MAP2K2: variants seen among roughly 807,000 people sequenced by gnomAD.
MAP2K2 encodes the protein mitogen-activated protein kinase kinase 2.
A neutral mutation model predicts 43.7 loss-of-function variants in MAP2K2; 24 were observed. That is an observed-to-expected ratio of 0.55 (90% CI 0.40 to 0.77). The LOEUF (loss-of-function observed/expected upper bound fraction) is 0.77. Ranked by LOEUF, MAP2K2 falls within the 30% of genes least tolerant of loss-of-function variation. MAP2K2 has a pLI of 0.00. For missense variants in MAP2K2, 470 were observed against 566.8 expected, an observed-to-expected ratio of 0.83 and a Z score of 1.73; for synonymous variants, 244 against 239.7, an observed-to-expected ratio of 1.02 and a Z score of -0.17.
chr19:4,100,273 A>T (rs2040985250), intron 6 of MAP2K2: 1 of 151,840 alleles, frequency 6.6e-6, no homozygotes, highest in Non-Finnish European at 1.5e-5. Context: ...ACAAAAACAA[A>T]AACCAAATTA....
At chr19:4,092,448 G>A (rs1485990487) in intron 10 of MAP2K2, among the ~76,000 whole-genome samples, 2 of 152,042 alleles carry the variant, frequency 1.3e-5, no homozygotes. Context: ...AATTAGCCGG[G>A]TGTGGTGGCA....
rs730880515 is a variant in MAP2K2 at position 4,090,621 on chromosome 19, T to A, written c.1180A>T (p.Thr394Ser). 1.3e-6 allele frequency: 2 copies of A among 1,552,570 alleles called. No homozygotes were observed. ...CKTLRLNQPG[T>S]PTRTAV ...TGTCACACGGCGGTGCGCGTGGGTG[T>A]GCCGGGCTGGTTCAGCCGCAGGGTT... The change falls in exon 11 of 11, where the codon ACA becomes TCA. Residue 394 changes from threonine (T) to serine (S), a missense_variant. Around this residue, in one of 3 missense-constraint regions of MAP2K2, gnomAD observed 212 missense variants for 220.8 expected, o/e 0.96. Transcript: ENST00000262948.
rs566650803 is a variant in MAP2K2 at position 4,101,568 on chromosome 19, T to C, written c.529-288A>G. On this transcript the variant is annotated intron_variant, in intron 4 of 10. Transcript: ENST00000262948. This position sits in a 1 kb window ranked among gnomAD's most constrained non-coding sequence, Gnocchi z 6.3. ...GCACACGGCTTAGCCCCAGGGAAGC[T>C]GAGATGGTGGCCCATGGCCCGGGAG... 2.6e-5 allele frequency among the ~76,000 whole-genome samples: 4 copies of C among 152,258 alleles called. No homozygotes were observed. The South Asian group carries it at 8.3e-4, about 32-fold the overall frequency.
At chr19:4,100,892 G>A (rs1321095783) in intron 6 of MAP2K2, 127 bp downstream of exon 6, 2 of 1,116,030 alleles carry the variant, frequency 1.8e-6, no homozygotes, top group Admixed American at 2.1e-5. Context: ...GAACTGGGAG[G>A]GACAGCTGCG....
chr19:4,114,105 T>C (rs1360923259), intron 2 of MAP2K2, among the ~76,000 whole-genome samples: 1 of 152,138 alleles, frequency 6.6e-6, no homozygotes, highest in Non-Finnish European at 1.5e-5. Context: ...CTGGGCAGCG[T>C]AGCAAGCCTT....
In MAP2K2 at chr19:4,094,467, G is replaced by A. The variant is rs2040885885; in HGVS notation, c.1078C>T (p.Leu360=). ...LIKNPAERAD[L]KMLTNHTFIK... is the part of the protein sequence containing the mutation. ...GCATCACTCACTGTGAGCATCTTCAGGTCCGCCCGCTCCGCTGGGTTCTTG... is the reference window on the plus strand; with the variant it reads ...GCATCACTCACTGTGAGCATCTTCAAGTCCGCCCGCTCCGCTGGGTTCTTG... Residue 360 remains leucine (L), a synonymous_variant, in exon 10 of 11, where the codon CTG becomes TTG. Transcript: ENST00000262948. 12 of 1,566,988 alleles carry A rather than the reference G, an allele frequency of 7.7e-6. No individual in the cohort carries two copies. The highest frequency in any genetic ancestry group is 1.0e-5 in the Non-Finnish European group (12 of 1,155,150).
rs375040410 is a variant in MAP2K2 at position 4,094,864 on chromosome 19, C to A, written c.1047-366G>T. On this transcript the variant is annotated intron_variant, in intron 9 of 10. Transcript: ENST00000262948. Reference sequence around the variant, plus strand: ...CAAGGGCCCGGGGCAACTCCGGCACCAGGAGTGCGGTGCCGTTCCACGGCG... The same window carrying A: ...CAAGGGCCCGGGGCAACTCCGGCACAAGGAGTGCGGTGCCGTTCCACGGCG... 236 of 420,426 alleles carry A rather than the reference C, an allele frequency of 5.6e-4. No individual in the cohort carries two copies. In the East Asian group the frequency reaches 9.2e-3, roughly 16 times the overall value. The allele number at this position is 420,426 out of a possible 1,614,324, so 26.0% of individuals were successfully genotyped here. A position where few individuals can be genotyped will look rare whatever the true frequency, so the allele number is the denominator to read the frequency against.
rs1000914581 is a variant in MAP2K2, at chr19:4,123,840, G to T, written c.36C>A (p.Leu12=). 1 of 1,536,588 alleles carries T rather than the reference G, an allele frequency of 6.5e-7. No homozygotes were observed. Among genetic ancestry groups the T allele is most frequent in the Non-Finnish European group, 8.7e-7 (1 of 1,145,522 alleles). ...CCTCGGCGATGGTAGGGTTGATGGTGAGCGCCGGCAGCACCGGCTTCCTCC... is the reference window on the plus strand; with the variant it reads ...CCTCGGCGATGGTAGGGTTGATGGTTAGCGCCGGCAGCACCGGCTTCCTCC... ...LARRKPVLPA[L]TINPTIAEGP... The change falls in exon 1 of 11, where the codon CTC becomes CTA. Residue 12 remains leucine, a synonymous_variant. Transcript: ENST00000262948.
At chr19:4,110,682 C>T (rs767704473) in intron 2 of MAP2K2, 27 bp from the exon 3 acceptor site, 1 of 1,603,286 alleles carries the variant, frequency 6.2e-7, no homozygotes, top group East Asian at 2.2e-5. Flanking sequence ...GCGAGACTGG[C>T]TTGGGGGGTG....
intron 10 of MAP2K2, among the ~76,000 whole-genome samples, chr19:4,091,082 G>C (rs1216533634): frequency 6.6e-6 from 1 of 152,200 alleles, no homozygotes; most frequent in Non-Finnish European, 1.5e-5. Context: ...GCAGGGTACT[G>C]AGCAGCGTCC....
At chr19:4,104,974 G>A (rs1049474529) in intron 3 of MAP2K2, among the ~76,000 whole-genome samples, 3 of 152,184 alleles carry the variant, frequency 2.0e-5, no homozygotes, top group African/African-American at 4.8e-5. Flanking sequence ...ACAGTGCCAG[G>A]TGTCTCCTGG....
chr19:4,114,226 CCG>C (rs2041192044), intron 2 of MAP2K2, among the ~76,000 whole-genome samples: 1 of 152,198 alleles, frequency 6.6e-6, no homozygotes, highest in Admixed American at 6.5e-5. Context: ...GCTCCCAAGT[CCG>C]AGCAGATCCA....
chr19:4,097,505 G>C (rs1477077703), intron 7 of MAP2K2, among the ~76,000 whole-genome samples, 162 bp from the exon 8 acceptor site: 1 of 152,184 alleles, frequency 6.6e-6, no homozygotes, highest in Non-Finnish European at 1.5e-5. Flanking sequence ...TCCCCTGCCT[G>C]ACTCTGGGTT....
chr19:4,103,328 G>C, intron 3 of MAP2K2: 2 of 925,760 alleles, frequency 2.2e-6, no homozygotes, highest in Non-Finnish European at 2.6e-6. Context: ...AACAAACCTG[G>C]GGACCAAAAC....
In MAP2K2 at chr19:4,110,529, T is replaced by C. The variant is rs1378281145; in HGVS notation, c.430A>G (p.Ser144Gly). Residue 144 changes from serine to glycine, a missense_variant, in exon 3 of 11, where the codon AGC becomes GGC. Around this residue, in one of 3 missense-constraint regions of MAP2K2, gnomAD observed 200 missense variants for 297.9 expected, o/e 0.67. Coordinates refer to ENST00000262948, the MANE Select transcript of MAP2K2 (RefSeq NM_030662.4). ...CTCACCATGTGTTCCATGCAAATGC[T>C]GATCTCCCCGTCACTGTAGAAGGCC... is the stretch of plus-strand genomic sequence containing the variant. ...YGAFYSDGEI[S>G]ICMEHMDGGS... 1.9e-6 allele frequency: 3 copies of C among 1,613,726 alleles called. No homozygotes were observed. Among genetic ancestry groups the C allele is most frequent in the Admixed American group, 3.3e-5 (2 of 59,996 alleles).
At chr19:4,095,589 C>G (rs2040907504) in intron 8 of MAP2K2, 140 bp from the exon 9 acceptor site, 1 of 633,244 alleles carries the variant, frequency 1.6e-6, no homozygotes, top group African/African-American at 1.8e-5. Flanking sequence ...TGGGCTGCAC[C>G]CTGTCAGAGG....
chr19:4,103,590 G>A (rs1266953328), intron 3 of MAP2K2: 1 of 152,258 alleles, frequency 6.6e-6, no homozygotes. Context: ...TGCTGCTCCA[G>A]GACTCCTGCA....
intron 6 of MAP2K2, chr19:4,100,764 T>C (rs1450438963): frequency 1.8e-6 from 1 of 554,352 alleles, no homozygotes; most frequent in South Asian, 2.1e-5. Context: ...GGAGAGCTGA[T>C]GAAGGGGAGG....
chr19:4,115,072 G>A lies in MAP2K2; in HGVS notation c.303+2347C>T, dbSNP rs1219311984. 2.0e-5 allele frequency among the ~76,000 whole-genome samples: 3 copies of A among 152,172 alleles called. No homozygotes were observed. The highest frequency in any genetic ancestry group is 2.9e-5 in the Non-Finnish European group (2 of 68,022). ...CACCCGAGTTTTCGGGCACTTTAAAGAAAACCTAATTTTGAAAGAATTATA... is the reference window on the plus strand; with the variant it reads ...CACCCGAGTTTTCGGGCACTTTAAAAAAAACCTAATTTTGAAAGAATTATA... On this transcript the variant is annotated intron_variant, in intron 2 of 10. Coordinates refer to ENST00000262948, the MANE Select transcript of MAP2K2 (RefSeq NM_030662.4). This position sits in a 1 kb window ranked among gnomAD's most constrained non-coding sequence, Gnocchi z 4.1.
Sources: allele counts gnomAD v4.1 joint callset (sites outside exome capture counted in the v4.1 genomes callset), GRCh38; gene constraint gnomAD v4.1.1; regional missense constraint gnomAD v4.1.1; non-coding constraint Gnocchi (gnomAD v3.1); transcripts MANE v1.5; gene names NCBI Gene and HGNC (gene_info 2026-07-23, HGNC 2026-07-21).